The following SNTG2 variants were observed in gnomAD, a reference collection of about 807,000 sequenced individuals.
The protein encoded by SNTG2 is syntrophin gamma 2.
A neutral mutation model predicts 70.9 loss-of-function variants in SNTG2; 74 were observed. The observed-to-expected ratio is 1.04, with a 90% CI of 0.86 to 1.27. The LOEUF is 1.27. Ranked by LOEUF, SNTG2 falls within the 50% of genes most tolerant of loss-of-function variation. The probability of loss-of-function intolerance (pLI) is 0.00; values close to 1 mark genes in which losing one functional copy is unlikely to be tolerated. For missense variants in SNTG2, 717 were observed against 690.7 expected (o/e 1.04, Z -0.43); for synonymous variants, 278 against 273.8 (o/e 1.02, Z -0.15).
intron 9 of SNTG2, among the ~76,000 whole-genome samples, chr2:1,222,419 C>A (rs777588415): frequency 6.6e-6 from 1 of 152,236 alleles, no homozygotes; most frequent in Non-Finnish European, 1.5e-5. Context: ...CATAGGCTAT[C>A]AGAGTTTGTG....
At chr2:1,099,904 CT>C (rs1665672332) in intron 4 of SNTG2, among the ~76,000 whole-genome samples, 1 of 152,194 alleles carries the variant, frequency 6.6e-6, no homozygotes. Flanking sequence ...ACACATTTTT[CT>C]CCTTTTTGAG....
At chr2:981,638 G>T (rs1422635376) in intron 1 of SNTG2, among the ~76,000 whole-genome samples, 1 of 152,040 alleles carries the variant, frequency 6.6e-6, no homozygotes, top group East Asian at 1.9e-4. Flanking sequence ...CAGGTGCACA[G>T]ACGTGTGCTC....
chr2:1,227,401 C>T (rs956967773), intron 9 of SNTG2, among the ~76,000 whole-genome samples: 2 of 152,228 alleles, frequency 1.3e-5, no homozygotes, highest in Admixed American at 1.3e-4. Flanking sequence ...GACAGTCGGC[C>T]CCTGGCTGGT....
chr2:1,178,703 G>C (rs1276171128), intron 8 of SNTG2, among the ~76,000 whole-genome samples: 5 of 152,004 alleles, frequency 3.3e-5, no homozygotes, highest in Non-Finnish European at 7.4e-5. Flanking sequence ...GATTCAGTTT[G>C]CCAGTATTTT....
chr2:1,189,313 G>A (rs1039771426), intron 8 of SNTG2, among the ~76,000 whole-genome samples: 2 of 152,124 alleles, frequency 1.3e-5, no homozygotes, highest in African/African-American at 2.4e-5. Context: ...CCAAGTGCAT[G>A]TATACATTCC....
chr2:1,151,108 A>G lies in SNTG2; in HGVS notation c.411+13299A>G, dbSNP rs1254280749. ...ATATATGGTATGACGAACAGTGGAAAGTATCAGTGAAAGTGCATGATTTTG... is the reference window on the plus strand; with the variant it reads ...ATATATGGTATGACGAACAGTGGAAGGTATCAGTGAAAGTGCATGATTTTG... On this transcript the variant is annotated intron_variant, in intron 6 of 16. Coordinates refer to ENST00000308624, the MANE Select transcript of SNTG2 (RefSeq NM_018968.4). 2.6e-5 allele frequency among the ~76,000 whole-genome samples: 4 copies of G among 152,242 alleles called. No individual in the cohort carries two copies. In the East Asian group the frequency reaches 7.7e-4, roughly 29 times the overall value.
At position 1,116,897 on chromosome 2, in the gene SNTG2, AGTGTGTGGGTGCTCTG is replaced by A. The variant is rs1667038774; in HGVS notation, c.325+18500_325+18515del. Among the ~76,000 whole-genome samples the A allele has an allele frequency of 1.8e-4, 5 of 28,124 alleles. No homozygotes were observed. In the South Asian group the frequency reaches 4.8e-3, roughly 27 times the overall value. 18.5% of individuals were successfully genotyped at this position (28,124 alleles called of 152,430 possible). On this transcript the variant is annotated intron_variant, in intron 4 of 16. Transcript: ENST00000308624. The stretch of plus-strand genomic sequence containing the variant: ...GGGTGCCCTGGTGTACGGGTGCCCT[AGTGTGTGGGTGCTCTG>A]GTGTGTGGGTGCCCTGGCGTGTGGG...
At chr2:1,287,955 G>A (rs1418269866) in intron 14 of SNTG2, among the ~76,000 whole-genome samples, 4 of 148,356 alleles carry the variant, frequency 2.7e-5, no homozygotes, top group Non-Finnish European at 5.9e-5. Context: ...GCCTGGACCC[G>A]GGGTGGAGCA....
intron 12 of SNTG2, among the ~76,000 whole-genome samples, chr2:1,249,832 T>C (rs1031218738): frequency 2.6e-5 from 4 of 152,224 alleles, no homozygotes; most frequent in Non-Finnish European, 5.9e-5. Context: ...AGTTTTGTTT[T>C]GTTAAAATGC....
rs958602158 is a variant in SNTG2, at chr2:1,109,269, A to C, written c.325+10859A>C. Among the ~76,000 whole-genome samples, 5 of 152,000 alleles carry C rather than the reference A, an allele frequency of 3.3e-5. No individual in the cohort carries two copies. In the East Asian group the frequency reaches 9.7e-4, roughly 29 times the overall value. On this transcript the variant is annotated intron_variant, in intron 4 of 16. Coordinates refer to ENST00000308624, the MANE Select transcript of SNTG2 (RefSeq NM_018968.4). ...TACTTAATGAAATGAGGAAGAATGA[A>C]GCTCTCCTCTATGACTGGATGGAAT...
At chr2:1,266,839 G>A (rs1022397511) in intron 13 of SNTG2, among the ~76,000 whole-genome samples, 4 of 139,932 alleles carry the variant, frequency 2.9e-5, no homozygotes, top group Admixed American at 8.0e-5. Flanking sequence ...CTGTAACCTC[G>A]GGCTTCTGGG....
chr2:953,790 A>G (rs1232130483), intron 1 of SNTG2, among the ~76,000 whole-genome samples: 1 of 152,182 alleles, frequency 6.6e-6, no homozygotes, highest in East Asian at 1.9e-4. Context: ...TTTTTCCAAC[A>G]TGGGATGTTA....
intron 6 of SNTG2, among the ~76,000 whole-genome samples, chr2:1,158,798 G>C (rs1670073113): frequency 6.6e-6 from 1 of 152,160 alleles, no homozygotes; most frequent in Admixed American, 6.5e-5. Flanking sequence ...TGCCAATCGT[G>C]GTAAGTCTCC....
chr2:1,006,312 TAAA>T (rs554375122), intron 1 of SNTG2, among the ~76,000 whole-genome samples: 2 of 150,640 alleles, frequency 1.3e-5, no homozygotes, highest in Non-Finnish European at 3.0e-5. Context: ...AAGGTATAAT[TAAA>T]AAAAAGAAAA....
At chr2:954,388 T>C (rs540362227) in intron 1 of SNTG2, among the ~76,000 whole-genome samples, 2 of 152,330 alleles carry the variant, frequency 1.3e-5, no homozygotes, top group East Asian at 3.9e-4. Context: ...GAGGTATTTT[T>C]GTTGAGTGAG....
intron 16 of SNTG2, among the ~76,000 whole-genome samples, chr2:1,330,435 T>C (rs2148283164): frequency 6.6e-6 from 1 of 152,262 alleles, no homozygotes; most frequent in East Asian, 1.9e-4. Flanking sequence ...ATGATAATAC[T>C]TACATTTCCC....
chr2:1,361,233 A>G (rs4268962), intron 16 of SNTG2, among the ~76,000 whole-genome samples: 109,790 of 152,106 alleles, frequency 0.72, 39,929 homozygotes, highest in East Asian at 0.94. Context: ...CATTATGATT[A>G]CATCATTCTC....
rs565855117 is a variant in SNTG2 at position 1,291,932 on chromosome 2, A to C, written c.1285-16562A>C. Among the ~76,000 whole-genome samples the C allele has an allele frequency of 5.3e-5, 8 of 152,316 alleles. No individual in the cohort carries two copies. In the East Asian group the frequency reaches 1.5e-3, roughly 29 times the overall value. ...TTGCAGATAGCTTTGAGTGGTATGG[A>C]CATCCGAACATCATTAAGTCTAACA... is the stretch of plus-strand genomic sequence containing the variant. On this transcript the variant is annotated intron_variant, in intron 14 of 16. Coordinates refer to ENST00000308624, the MANE Select transcript of SNTG2 (RefSeq NM_018968.4).
chr2:1,361,620 G>A (rs1178768073), intron 16 of SNTG2, among the ~76,000 whole-genome samples: 3 of 152,108 alleles, frequency 2.0e-5, no homozygotes, highest in Non-Finnish European at 4.4e-5. Flanking sequence ...GAGCATTTCA[G>A]TAGAACTTCC....
Sources: gnomAD v4.1 joint callset for allele counts (sites outside exome capture counted in the v4.1 genomes callset) on GRCh38, gnomAD v4.1.1 for gene constraint, MANE v1.5 for transcripts, NCBI Gene and HGNC (gene_info 2026-07-23, HGNC 2026-07-21) for gene names.